YJU2: variants seen among roughly 807,000 people sequenced by gnomAD.
YJU2 encodes YJU2 splicing factor homolog.
Under a neutral mutation model 39.6 loss-of-function variants are expected in YJU2, and 28 were observed. That is an observed-to-expected ratio of 0.71 (90% CI 0.52 to 0.97). The LOEUF is 0.97. YJU2 is among the 50% of genes least tolerant of loss of function. The pLI, the probability that YJU2 is intolerant of heterozygous loss-of-function variation, is 0.00. For missense variants in YJU2, 328 were observed against 430.4 expected (o/e 0.76, Z 2.11); for synonymous variants, 184 against 182.4 (o/e 1.01, Z -0.07).
chr19:4,249,263 C>T lies in YJU2; in HGVS notation c.60C>T (p.Ile20=), dbSNP rs1970956179. ...YYPPDFDPSK[I]PKLKLPKDRQ... is the part of the protein sequence containing the mutation. ...CGCCGGACTTTGACCCATCAAAGAT[C>T]CCCAAACTCAAGCTCCCCAAAGACC... The change falls in exon 2 of 8, where the codon ATC becomes ATT. Residue 20 remains isoleucine (I), a synonymous_variant. Coordinates refer to ENST00000262962, the MANE Select transcript of YJU2 (RefSeq NM_018074.6). 2.5e-6 allele frequency: 4 copies of T among 1,613,702 alleles called. No homozygotes were observed. The highest frequency in any genetic ancestry group is 1.3e-5 in the African/African-American group (1 of 74,902).
rs143140565 is a variant in YJU2, at chr19:4,254,970, C to T, written c.405+481C>T. ...ACTCAGGAGGCTGAGGCAGGAGAATCGCTTGAACCGGGGAGGCAGATGTTG... is the reference window on the plus strand; with the variant it reads ...ACTCAGGAGGCTGAGGCAGGAGAATTGCTTGAACCGGGGAGGCAGATGTTG... On this transcript the variant is annotated intron_variant, in intron 4 of 7. Transcript: ENST00000262962. Among the ~76,000 whole-genome samples, 593 of 150,614 alleles carry T rather than the reference C, an allele frequency of 3.9e-3. 7 individuals carry two copies. The highest frequency in any genetic ancestry group is 0.014 in the African/African-American group (559 of 40,872).
chr19:4,258,934 A>G (rs923909638), intron 5 of YJU2, among the ~76,000 whole-genome samples: 1 of 152,072 alleles, frequency 6.6e-6, no homozygotes, highest in African/African-American at 2.4e-5. Context: ...GTTTGCAGGA[A>G]CAGCTGAAGC....
chr19:4,251,969 G>A (rs1359122121), intron 3 of YJU2, among the ~76,000 whole-genome samples: 2 of 151,160 alleles, frequency 1.3e-5, no homozygotes, highest in Non-Finnish European at 2.9e-5. Context: ...CCTGAGCAAC[G>A]AAATGAAACT....
intron 6 of YJU2, among the ~76,000 whole-genome samples, chr19:4,263,083 A>AC (rs1011356527): frequency 1.3e-5 from 2 of 151,880 alleles, no homozygotes; most frequent in Non-Finnish European, 2.9e-5. Flanking sequence ...CAAAAAAAAA[A>AC]AAAAAAAAAC....
intron 6 of YJU2, among the ~76,000 whole-genome samples, chr19:4,265,421 A>G (rs1034884282): frequency 3.3e-5 from 5 of 151,284 alleles, no homozygotes; most frequent in Non-Finnish European, 5.9e-5. Flanking sequence ...ACAGCCAGCT[A>G]ATTTTTAATT....
At chr19:4,253,771 A>C (rs1970996942) in intron 3 of YJU2, among the ~76,000 whole-genome samples, 1 of 152,178 alleles carries the variant, frequency 6.6e-6, no homozygotes, top group South Asian at 2.1e-4. Context: ...TAATCAAAGA[A>C]AAGGTGTTAA....
At chr19:4,257,529 A>G (rs1971030938) in intron 4 of YJU2, among the ~76,000 whole-genome samples, 1 of 151,860 alleles carries the variant, frequency 6.6e-6, no homozygotes, top group Non-Finnish European at 1.5e-5. Context: ...GTTGGAGTCC[A>G]GTGGTGCAAT....
At position 4,267,729 on chromosome 19, in the gene YJU2, G is replaced by C. The variant is rs750633368; in HGVS notation, c.814G>C (p.Asp272His). Residue 272 changes from aspartate to histidine, a missense_variant, in exon 7 of 8, where the codon GAC becomes CAC. Asp to His is a moderately conservative substitution (Grantham distance 81). Coordinates refer to ENST00000262962, the MANE Select transcript of YJU2 (RefSeq NM_018074.6). ...GGTCGTGGTGAAGAAGGCAAAGGCC[G>C]ACCCGGACTGCAGCAACGGGCAGCC... Reference protein sequence around the residue: ...RLVVVKKAKADPDCSNGQPQA... With the variant: ...RLVVVKKAKAHPDCSNGQPQA... 5 of 1,613,042 alleles carry C rather than the reference G, an allele frequency of 3.1e-6. No homozygotes were observed. The highest frequency in any genetic ancestry group is 1.7e-4 in the Middle Eastern group (1 of 6,046).
intron 5 of YJU2, among the ~76,000 whole-genome samples, 156 bp from the exon 6 acceptor site, chr19:4,261,838 A>C (rs1360570234): frequency 6.6e-6 from 1 of 151,848 alleles, no homozygotes; most frequent in South Asian, 2.1e-4. Flanking sequence ...TTAAAAAAAA[A>C]AAGTAATCTG....
At chr19:4,263,671 ATGGCGGTGCC>A (rs1475170886) in intron 6 of YJU2, among the ~76,000 whole-genome samples, 1 of 151,968 alleles carries the variant, frequency 6.6e-6, no homozygotes, top group Non-Finnish European at 1.5e-5. Context: ...TTAGCTGGAC[ATGGCGGTGCC>A]TGCCTGTAAT....
At position 4,268,881 on chromosome 19, in the gene YJU2, C is replaced by G; in HGVS notation, c.*185C>G. ...AGCCCCAGGAGGTCCCTTCTCTGTG[C>G]CCTCACCAGCCTCTCAACACCTCGG... is the stretch of plus-strand genomic sequence containing the variant. On this transcript the variant is annotated 3_prime_UTR_variant, in exon 8 of 8. Transcript: ENST00000262962. The G allele has an allele frequency of 1.7e-6, 1 of 587,766 alleles. No individual in the cohort carries two copies. Among genetic ancestry groups the G allele is most frequent in the Non-Finnish European group, 3.0e-6 (1 of 328,998 alleles). The allele number at this position is 587,766 out of a possible 1,614,324, so 36.4% of individuals were successfully genotyped here.
At chr19:4,256,025 T>G (rs1971016670) in intron 4 of YJU2, among the ~76,000 whole-genome samples, 2 of 150,728 alleles carry the variant, frequency 1.3e-5, no homozygotes, top group Non-Finnish European at 3.0e-5. Flanking sequence ...ACAACAAAAA[T>G]TAGGCAGGTG....
chr19:4,250,770 C>T (rs1338543158), intron 2 of YJU2, among the ~76,000 whole-genome samples: 1 of 152,072 alleles, frequency 6.6e-6, no homozygotes, highest in African/African-American at 2.4e-5. Context: ...GAGTGCATGA[C>T]AGGCAGGCCT....
At chr19:4,253,531 T>C (rs918939098) in intron 3 of YJU2, among the ~76,000 whole-genome samples, 1 of 151,596 alleles carries the variant, frequency 6.6e-6, no homozygotes, top group Non-Finnish European at 1.5e-5. Context: ...CAGTGAGCCA[T>C]GATCCTGCCG....
chr19:4,258,891 A>G (rs1971046404), intron 5 of YJU2, among the ~76,000 whole-genome samples: 1 of 151,936 alleles, frequency 6.6e-6, no homozygotes, highest in African/African-American at 2.4e-5. Context: ...TCCAGACTCC[A>G]GAGGAAAGCA....
At chr19:4,255,556 C>T (rs1007508236) in intron 4 of YJU2, among the ~76,000 whole-genome samples, 5 of 151,216 alleles carry the variant, frequency 3.3e-5, no homozygotes, top group African/African-American at 7.3e-5. Context: ...GGTGAAACCC[C>T]GTCTCTACTA....
chr19:4,263,084 A>AAAC (rs1042733329), intron 6 of YJU2, among the ~76,000 whole-genome samples: 1 of 151,848 alleles, frequency 6.6e-6, no homozygotes, highest in African/African-American at 2.4e-5. Context: ...AAAAAAAAAA[A>AAAC]AAAAAAAACT....
chr19:4,259,049 G>A (rs1436969479), intron 5 of YJU2, among the ~76,000 whole-genome samples: 1 of 150,526 alleles, frequency 6.6e-6, no homozygotes. Context: ...CACAGCCTCA[G>A]GCCTCCTGGG....
chr19:4,254,513 T>C, intron 4 of YJU2, 24 bp downstream of exon 4: 1 of 1,555,590 alleles, frequency 6.4e-7, no homozygotes, highest in Non-Finnish European at 8.7e-7. Context: ...CATGTAGGTG[T>C]TCATGGGCGC....
Sources: allele counts gnomAD v4.1 joint callset (sites outside exome capture counted in the v4.1 genomes callset), GRCh38; gene constraint gnomAD v4.1.1; transcripts MANE v1.5; gene names NCBI Gene and HGNC (gene_info 2026-07-23, HGNC 2026-07-21).